The following SLC28A1 variants were observed in gnomAD, a reference collection of about 807,000 sequenced individuals.
SLC28A1 encodes sodium/nucleoside cotransporter 1.
SLC28A1 carries 64 observed loss-of-function variants against 74.8 expected under a neutral mutation model. The observed-to-expected ratio is 0.86, with a 90% confidence interval of 0.70 to 1.05. SLC28A1 has a LOEUF of 1.05. Ranked by LOEUF, SLC28A1 falls within the 50% of genes least tolerant of loss-of-function variation. The probability of loss-of-function intolerance (pLI) is 0.00; values close to 1 mark genes in which losing one functional copy is unlikely to be tolerated. For missense variants in SLC28A1, 828 were observed against 822.8 expected (o/e 1.01, Z -0.08); for synonymous variants, 359 against 335.0 (o/e 1.07, Z -0.78).
intron 16 of SLC28A1, among the ~76,000 whole-genome samples, chr15:84,943,970 C>T (rs1448830933): frequency 6.6e-6 from 1 of 152,074 alleles, no homozygotes; most frequent in East Asian, 1.9e-4. Flanking sequence ...AATTCCGATT[C>T]TCTGCTGCTG....
At chr15:84,914,819 T>C (rs1968856124) in intron 9 of SLC28A1, among the ~76,000 whole-genome samples, 1 of 152,156 alleles carries the variant, frequency 6.6e-6, no homozygotes, top group Non-Finnish European at 1.5e-5. Flanking sequence ...CCTTATTTAA[T>C]ATTCTATCCT....
At chr15:84,952,119 A>G in the SLC28A1 span, among the ~76,000 whole-genome samples, 2 of 152,210 alleles carry the variant, frequency 1.3e-5, no homozygotes, top group Non-Finnish European at 2.9e-5. Context: ...GCAAGGAACT[A>G]GAACAGGAGC....
chr15:84,914,422 A>G (rs1465918247), intron 9 of SLC28A1, among the ~76,000 whole-genome samples: 1 of 152,228 alleles, frequency 6.6e-6, no homozygotes, highest in Non-Finnish European at 1.5e-5. Flanking sequence ...AGGCAGAGAA[A>G]CAAGCCTCCA....
the SLC28A1 span, among the ~76,000 whole-genome samples, chr15:84,961,150 A>T: frequency 6.6e-6 from 1 of 152,214 alleles, no homozygotes; most frequent in East Asian, 1.9e-4. Flanking sequence ...TAATGCAGGC[A>T]TTTTTGCCTA....
At chr15:84,905,404 G>T in intron 7 of SLC28A1, 135 bp from the exon 8 acceptor site, 2 of 691,710 alleles carry the variant, frequency 2.9e-6, no homozygotes, top group Non-Finnish European at 5.4e-6. Flanking sequence ...GTGACCACTG[G>T]CAACAGGCCT....
At position 84,904,291 on chromosome 15, in the gene SLC28A1, C is replaced by T; in HGVS notation, c.603+53C>T. ...TGGAAGTGTTTGCCTCTCTCTTCTGCCCCTAGGCTGGATCTGGGAGCTGGG... is the reference window on the plus strand; with the variant it reads ...TGGAAGTGTTTGCCTCTCTCTTCTGTCCCTAGGCTGGATCTGGGAGCTGGG... On this transcript the variant is annotated intron_variant, in intron 7 of 18. Transcript: ENST00000394573. The T allele has an allele frequency of 6.2e-6, 10 of 1,609,878 alleles. No individual in the cohort carries two copies. In the South Asian group the frequency reaches 7.7e-5, roughly 12 times the overall value.
chr15:84,958,652 C>G, the SLC28A1 span, among the ~76,000 whole-genome samples: 1 of 152,114 alleles, frequency 6.6e-6, no homozygotes, highest in Non-Finnish European at 1.5e-5. Context: ...CTCTCAGACT[C>G]AAGCCATCCT....
At chr15:84,891,174 C>A (rs1180259080) in intron 5 of SLC28A1, among the ~76,000 whole-genome samples, 2 of 151,980 alleles carry the variant, frequency 1.3e-5, no homozygotes, top group African/African-American at 2.4e-5. Flanking sequence ...CACGGTGGGA[C>A]CCTGGAAGGA....
chr15:84,957,619 A>G, the SLC28A1 span, among the ~76,000 whole-genome samples: 1 of 152,222 alleles, frequency 6.6e-6, no homozygotes, highest in Non-Finnish European at 1.5e-5. Context: ...TCAAAAATCA[A>G]TTGACCATAA....
chr15:84,889,529 T>TG (rs1297428854), intron 4 of SLC28A1, among the ~76,000 whole-genome samples: 1 of 152,088 alleles, frequency 6.6e-6, no homozygotes, highest in Non-Finnish European at 1.5e-5. Flanking sequence ...AAATGGCAGC[T>TG]GGTGGGTGGA....
the SLC28A1 span, among the ~76,000 whole-genome samples, chr15:84,964,922 G>A: frequency 6.6e-6 from 1 of 152,226 alleles, no homozygotes; most frequent in East Asian, 1.9e-4. Flanking sequence ...AGGAGCAGGA[G>A]GGAATGATTG....
chr15:84,897,297 A>C (rs1374867864), intron 6 of SLC28A1, among the ~76,000 whole-genome samples: 1 of 151,942 alleles, frequency 6.6e-6, no homozygotes, highest in Non-Finnish European at 1.5e-5. Flanking sequence ...GAGGCAAGAG[A>C]ATCACTTGAA....
At chr15:84,927,399 C>T (rs1970641422) in intron 12 of SLC28A1, among the ~76,000 whole-genome samples, 1 of 152,166 alleles carries the variant, frequency 6.6e-6, no homozygotes, top group Non-Finnish European at 1.5e-5. Context: ...TGGATAGCCA[C>T]ATAGAAATAG....
At chr15:84,928,116 G>A (rs1970717537) in intron 12 of SLC28A1, among the ~76,000 whole-genome samples, 1 of 152,148 alleles carries the variant, frequency 6.6e-6, no homozygotes, top group African/African-American at 2.4e-5. Flanking sequence ...CAAAAGTCCA[G>A]GCCCAGCCCT....
chr15:84,941,862 C>T (rs888650700), intron 15 of SLC28A1, among the ~76,000 whole-genome samples: 11 of 152,080 alleles, frequency 7.2e-5, no homozygotes, highest in Admixed American at 4.6e-4. Flanking sequence ...GTGTTAAATT[C>T]GTGAAATAAC....
intron 16 of SLC28A1, 78 bp downstream of exon 16, chr15:84,943,604 G>T (rs1972967469): frequency 1.8e-6 from 2 of 1,104,604 alleles, no homozygotes; most frequent in Non-Finnish European, 2.8e-6. Flanking sequence ...GGCCTCAGTT[G>T]TCTCATTTGT....
At chr15:84,921,214 GAT>G in intron 11 of SLC28A1, 145 bp downstream of exon 11, 2 of 721,124 alleles carry the variant, frequency 2.8e-6, no homozygotes, top group Admixed American at 2.0e-5. Flanking sequence ...CTGCTCCAGG[GAT>G]ACTCTGTTTG....
intron 15 of SLC28A1, among the ~76,000 whole-genome samples, chr15:84,937,626 G>C (rs898149340): frequency 6.6e-6 from 1 of 152,206 alleles, no homozygotes; most frequent in African/African-American, 2.4e-5. Flanking sequence ...TTGTGGCCAG[G>C]CACGGTGGCT....
At chr15:84,968,166 G>A in the SLC28A1 span, among the ~76,000 whole-genome samples, 625 of 152,260 alleles carry the variant, frequency 4.1e-3, no homozygotes, top group Non-Finnish European at 6.3e-3. Context: ...TCTAACCCTT[G>A]AAGAGAGGAC....
Sources: allele counts gnomAD v4.1 joint callset (sites outside exome capture counted in the v4.1 genomes callset), GRCh38; gene constraint gnomAD v4.1.1; transcripts MANE v1.5; gene names NCBI Gene and HGNC (gene_info 2026-07-23, HGNC 2026-07-21).